SPATS1: variants seen among roughly 807,000 people sequenced by gnomAD.
The protein encoded by SPATS1 is spermatogenesis-associated serine-rich protein 1.
Under a neutral mutation model 33.6 loss-of-function variants are expected in SPATS1, and 23 were observed. That is an observed-to-expected ratio of 0.68 (90% CI 0.49 to 0.97). SPATS1 has a LOEUF of 0.97. SPATS1 is among the 50% of genes least tolerant of loss of function. The pLI is 0.00. For missense variants in SPATS1, 327 were observed against 361.0 expected (o/e 0.91, Z 0.76); for synonymous variants, 131 against 125.6 (o/e 1.04, Z -0.29).
At chr6:44,371,019 T>TGCA (rs1789578388) in intron 7 of SPATS1, among the ~76,000 whole-genome samples, 2 of 145,438 alleles carry the variant, frequency 1.4e-5, no homozygotes, top group Non-Finnish European at 3.0e-5. Context: ...GCTAGCTGGG[T>TGCA]GCAGTGGCTC....
intron 2 of SPATS1, among the ~76,000 whole-genome samples, chr6:44,348,013 TG>T (rs1788004190): frequency 2.0e-5 from 3 of 150,804 alleles, no homozygotes; most frequent in South Asian, 4.2e-4. Flanking sequence ...TTATTATTTT[TG>T]TTTTTTTTTT....
At chr6:44,361,373 T>G in intron 4 of SPATS1, 1 of 985,418 alleles carries the variant, frequency 1.0e-6, no homozygotes. Context: ...CCGTAGCACA[T>G]GCGCGTGCTA....
intron 2 of SPATS1, among the ~76,000 whole-genome samples, chr6:44,349,455 A>C (rs968274303): frequency 6.6e-6 from 1 of 152,198 alleles, no homozygotes; most frequent in Non-Finnish European, 1.5e-5. Context: ...GGAATGCCTT[A>C]ACCAGTCTAT....
intron 2 of SPATS1, among the ~76,000 whole-genome samples, chr6:44,345,495 T>C (rs955987424): frequency 6.6e-6 from 1 of 152,174 alleles, no homozygotes; most frequent in Non-Finnish European, 1.5e-5. Context: ...AACAAAAAGC[T>C]TGGGAAAGGA....
chr6:44,373,252 T>C (rs777969671), intron 7 of SPATS1, among the ~76,000 whole-genome samples: 21 of 152,250 alleles, frequency 1.4e-4, no homozygotes, highest in Non-Finnish European at 1.0e-4. Flanking sequence ...TTGCTCATCC[T>C]ACGCTGTGGT....
intron 7 of SPATS1, 102 bp from the exon 8 acceptor site, chr6:44,376,256 T>C (rs1330401076): frequency 7.3e-6 from 5 of 682,600 alleles, no homozygotes; most frequent in Middle Eastern, 2.7e-4. Flanking sequence ...TCTCCTAAAT[T>C]GGAGGTCTTT....
At chr6:44,361,305 G>A in intron 4 of SPATS1, 1 of 984,152 alleles carries the variant, frequency 1.0e-6, no homozygotes, top group Non-Finnish European at 1.2e-6. Context: ...AAACTAGCCT[G>A]GGGTCTCACG....
intron 7 of SPATS1, among the ~76,000 whole-genome samples, chr6:44,375,347 A>T (rs1180107767): frequency 6.6e-6 from 1 of 152,330 alleles, no homozygotes; most frequent in African/African-American, 2.4e-5. Flanking sequence ...TTTGCAGAAC[A>T]GTAAGCGCTG....
chr6:44,350,436 A>T (rs1393806843), intron 2 of SPATS1, among the ~76,000 whole-genome samples: 1 of 152,236 alleles, frequency 6.6e-6, no homozygotes, highest in East Asian at 1.9e-4. Flanking sequence ...GAGAGATTCT[A>T]ATTCAATAGG....
intron 7 of SPATS1, among the ~76,000 whole-genome samples, chr6:44,372,166 A>G (rs1789663603): frequency 6.6e-6 from 1 of 150,658 alleles, no homozygotes; most frequent in South Asian, 2.1e-4. Flanking sequence ...AGGCAGGAGA[A>G]TCACTTGAAC....
rs979274926 is a variant in SPATS1 at position 44,377,913 on chromosome 6, T to A, written c.*850T>A. Reference sequence around the variant, plus strand: ...ACCTTGGGGATTAGGTTTCGACATATGCATTTTGGGGTGGGGAGGACAAAC... The same window carrying A: ...ACCTTGGGGATTAGGTTTCGACATAAGCATTTTGGGGTGGGGAGGACAAAC... On this transcript the variant is annotated 3_prime_UTR_variant, in exon 9 of 9. Transcript: ENST00000674044. 6.6e-6 allele frequency: 1 copy of A among 152,194 alleles called. No homozygotes were observed. The highest frequency in any genetic ancestry group is 6.5e-5 in the Admixed American group (1 of 15,268). 9.4% of individuals were successfully genotyped at this position (152,194 alleles called of 1,614,324 possible).
At chr6:44,343,024 T>C in intron 1 of SPATS1, 72 bp from the exon 2 acceptor site, 3 of 1,589,250 alleles carry the variant, frequency 1.9e-6, no homozygotes, top group Non-Finnish European at 2.6e-6. Flanking sequence ...TTGTTTTGAC[T>C]GATACCTTTC....
chr6:44,368,797 T>C (rs1287463227), intron 6 of SPATS1, among the ~76,000 whole-genome samples: 1 of 152,206 alleles, frequency 6.6e-6, no homozygotes, highest in East Asian at 1.9e-4. Context: ...CCATAGTGAC[T>C]ACTATGTGGG....
chr6:44,348,782 G>A (rs1788057358), intron 2 of SPATS1, among the ~76,000 whole-genome samples: 1 of 152,152 alleles, frequency 6.6e-6, no homozygotes. Context: ...AGGAGTTCGA[G>A]ACCAGCCTGG....
At chr6:44,358,099 C>T (rs1483024663) in intron 3 of SPATS1, among the ~76,000 whole-genome samples, 1 of 152,134 alleles carries the variant, frequency 6.6e-6, no homozygotes, top group Non-Finnish European at 1.5e-5. Flanking sequence ...ACTAACACAC[C>T]TCCAAAATTG....
At chr6:44,369,992 A>G in intron 6 of SPATS1, 59 bp from the exon 7 acceptor site, 4 of 1,285,366 alleles carry the variant, frequency 3.1e-6, no homozygotes, top group Non-Finnish European at 4.5e-6. Flanking sequence ...ACAATGATGT[A>G]TTGATCTCTT....
chr6:44,357,087 T>C (rs1457588512), intron 3 of SPATS1, among the ~76,000 whole-genome samples: 1 of 151,374 alleles, frequency 6.6e-6, no homozygotes, highest in African/African-American at 2.4e-5. Flanking sequence ...TAAAAAAGAG[T>C]CCCCCTTCAT....
intron 5 of SPATS1, among the ~76,000 whole-genome samples, chr6:44,363,298 C>T (rs1013436635): frequency 1.3e-5 from 2 of 152,118 alleles, no homozygotes; most frequent in Non-Finnish European, 2.9e-5. Flanking sequence ...GCATGTGCCA[C>T]CATGCCCGGC....
At chr6:44,355,218 T>G (rs1233091255) in intron 3 of SPATS1, among the ~76,000 whole-genome samples, 2 of 146,254 alleles carry the variant, frequency 1.4e-5, no homozygotes, top group Admixed American at 6.9e-5. Flanking sequence ...GTCTCCATAG[T>G]TTTTTCCTTT....
Sources: gnomAD v4.1 joint callset for allele counts (sites outside exome capture counted in the v4.1 genomes callset) on GRCh38, gnomAD v4.1.1 for gene constraint, MANE v1.5 for transcripts, NCBI Gene and HGNC (gene_info 2026-07-23, HGNC 2026-07-21) for gene names.